The following UGT1A10 variants were observed in gnomAD, a reference collection of about 807,000 sequenced individuals.
UGT1A10 encodes the protein UDP glucuronosyltransferase family 1 member A10.
A neutral mutation model predicts 45.8 loss-of-function variants in UGT1A10; 49 were observed. That is an observed-to-expected ratio of 1.07 (90% CI 0.85 to 1.36). The LOEUF is 1.36. UGT1A10 is among the 40% of genes most tolerant of loss of function. The pLI is 0.00. For missense variants in UGT1A10, 745 were observed against 668.6 expected (o/e 1.11, Z -1.26); for synonymous variants, 284 against 249.7 (o/e 1.14, Z -1.29).
intron 1 of UGT1A10, among the ~76,000 whole-genome samples, chr2:233,655,589 G>C (rs894542636): frequency 2.0e-5 from 3 of 152,158 alleles, no homozygotes; most frequent in African/African-American, 7.2e-5. Context: ...CTGTTAGAAA[G>C]AAGGGAAACT....
At chr2:233,733,869 C>T (rs975516121) in intron 1 of UGT1A10, among the ~76,000 whole-genome samples, 2 of 151,714 alleles carry the variant, frequency 1.3e-5, no homozygotes, top group Non-Finnish European at 2.9e-5. Context: ...GGAATAGTTT[C>T]AGAAGGAATG....
chr2:233,691,854 T>C (rs1363953364), intron 1 of UGT1A10: 1 of 158,488 alleles, frequency 6.3e-6, no homozygotes, highest in East Asian at 1.9e-4. Flanking sequence ...TATATTGTGA[T>C]GTATAATAAG....
chr2:233,719,296 C>G, intron 1 of UGT1A10: 1 of 1,613,940 alleles, frequency 6.2e-7, no homozygotes, highest in South Asian at 1.1e-5. Flanking sequence ...CTCTGTGGGG[C>G]GGTGCTGGCT....
intron 1 of UGT1A10, among the ~76,000 whole-genome samples, chr2:233,656,403 C>G (rs752615599): frequency 2.6e-5 from 4 of 152,158 alleles, no homozygotes; most frequent in Admixed American, 6.5e-5. Context: ...GTATTTGTGG[C>G]TTATGGAACA....
At chr2:233,658,815 T>C (rs1429874145) in intron 1 of UGT1A10, among the ~76,000 whole-genome samples, 1 of 152,258 alleles carries the variant, frequency 6.6e-6, no homozygotes, top group Non-Finnish European at 1.5e-5. Flanking sequence ...GACTTTCTAC[T>C]CTGTTCCATT....
chr2:233,693,993 C>G (rs1321694157), intron 1 of UGT1A10: 16 of 1,526,640 alleles, frequency 1.0e-5, no homozygotes, highest in Non-Finnish European at 1.4e-5. Context: ...GAAGTGATAC[C>G]CGGCTCGGAG....
chr2:233,648,336 C>T (rs1286233848), intron 1 of UGT1A10: 37 of 466,276 alleles, frequency 7.9e-5, no homozygotes, highest in African/African-American at 4.1e-4. Flanking sequence ...CGGTGGTCTT[C>T]GCCAGAGGAA....
chr2:233,695,837 G>C (rs1438595123), intron 1 of UGT1A10, among the ~76,000 whole-genome samples: 1 of 152,094 alleles, frequency 6.6e-6, no homozygotes, highest in Non-Finnish European at 1.5e-5. Flanking sequence ...AAACTCAAAG[G>C]GTTTTTCCTG....
intron 1 of UGT1A10, among the ~76,000 whole-genome samples, chr2:233,695,435 CT>C (rs747907611): frequency 1.0e-4 from 13 of 130,450 alleles, no homozygotes; most frequent in African/African-American, 1.1e-4. Flanking sequence ...TCTTCTTCTT[CT>C]TTTTTTTTTG....
At chr2:233,727,674 T>G (rs183043459) in intron 1 of UGT1A10, among the ~76,000 whole-genome samples, 1 of 152,276 alleles carries the variant, frequency 6.6e-6, no homozygotes, top group East Asian at 1.9e-4. Context: ...CCTTACAAAT[T>G]CCCAGGAATC....
intron 1 of UGT1A10, among the ~76,000 whole-genome samples, chr2:233,663,092 A>G (rs2125491132): frequency 6.6e-6 from 1 of 152,238 alleles, no homozygotes; most frequent in East Asian, 1.9e-4. Context: ...AACTCTCTTC[A>G]TCTTCCCAAA....
chr2:233,754,879 C>T (rs1695622753), intron 1 of UGT1A10: 1 of 1,352,088 alleles, frequency 7.4e-7, no homozygotes, highest in South Asian at 1.1e-5. Flanking sequence ...CTTCTGCTTC[C>T]CAGGGAGTTC....
intron 1 of UGT1A10, chr2:233,693,224 A>C (rs1302767183): frequency 6.2e-7 from 1 of 1,614,120 alleles, no homozygotes; most frequent in Non-Finnish European, 8.5e-7. Flanking sequence ...CAAATACTAC[A>C]CAAGAAAAAT....
intron 1 of UGT1A10, among the ~76,000 whole-genome samples, chr2:233,765,026 C>T (rs2741015): frequency 2.6e-5 from 4 of 151,980 alleles, no homozygotes; most frequent in Admixed American, 2.0e-4. Context: ...TGGCAGGAGT[C>T]CTGCTGTGCA....
chr2:233,641,448 C>T (rs1207335018), intron 1 of UGT1A10, among the ~76,000 whole-genome samples: 1 of 152,140 alleles, frequency 6.6e-6, no homozygotes, highest in African/African-American at 2.4e-5. Flanking sequence ...TCATTTATAT[C>T]TTGTTGTACT....
chr2:233,744,539 T>C (rs1692841530), intron 1 of UGT1A10, among the ~76,000 whole-genome samples: 1 of 151,924 alleles, frequency 6.6e-6, no homozygotes, highest in African/African-American at 2.4e-5. Flanking sequence ...TTTATGTAAA[T>C]TTTATTAAGA....
intron 1 of UGT1A10, among the ~76,000 whole-genome samples, chr2:233,701,187 C>G (rs973108286): frequency 6.6e-6 from 1 of 152,116 alleles, no homozygotes; most frequent in Admixed American, 6.5e-5. Context: ...CATACATGTG[C>G]ATGTGTCTTT....
In UGT1A10 at chr2:233,772,897, C is replaced by T. The variant is rs1320013324; in HGVS notation, c.*338C>T. 6.1e-6 allele frequency: 3 copies of T among 493,984 alleles called. No homozygotes were observed. Among genetic ancestry groups the T allele is most frequent in the Non-Finnish European group, 9.8e-6 (3 of 304,676 alleles). The allele number at this position is 493,984 out of a possible 1,614,324, so 30.6% of individuals were successfully genotyped here. A position where few individuals can be genotyped will look rare whatever the true frequency, so the allele number is the denominator to read the frequency against. ...AGTGCGGGATTCAAAGGTGGTCCCA[C>T]GGCTGCCCCTACTGCAAATGGCAGT... On this transcript the variant is annotated 3_prime_UTR_variant, in exon 5 of 5. Coordinates refer to ENST00000344644, the MANE Select transcript of UGT1A10 (RefSeq NM_019075.4).
intron 1 of UGT1A10, chr2:233,682,152 G>T: frequency 6.2e-7 from 1 of 1,614,212 alleles, no homozygotes; most frequent in South Asian, 1.1e-5. Flanking sequence ...TCACTGAATT[G>T]CACAGTGAAG....
Sources: allele counts gnomAD v4.1 joint callset (sites outside exome capture counted in the v4.1 genomes callset), GRCh38; gene constraint gnomAD v4.1.1; transcripts MANE v1.5; gene names NCBI Gene and HGNC (gene_info 2026-07-23, HGNC 2026-07-21).